DNAJC2: variants seen among roughly 807,000 people sequenced by gnomAD.
DNAJC2 encodes dnaJ homolog subfamily C member 2.
A neutral mutation model predicts 94.0 loss-of-function variants in DNAJC2; 32 were observed. The ratio of observed to expected loss-of-function variants is 0.34; its 90% CI spans 0.26 to 0.46. The LOEUF (loss-of-function observed/expected upper bound fraction) is 0.46, where lower values mean the gene tolerates loss of function less well. Among genes scored for constraint, DNAJC2 ranks in the 20% least tolerant of loss-of-function variants. DNAJC2 has a pLI of 1.00. For missense variants in DNAJC2, 550 were observed against 719.5 expected, an observed-to-expected ratio of 0.76 and a Z score of 2.69; for synonymous variants, 210 against 229.7, an observed-to-expected ratio of 0.91 and a Z score of 0.77.
At chr7:103,319,401 C>G (rs1036477014) in intron 12 of DNAJC2, among the ~76,000 whole-genome samples, 2 of 152,270 alleles carry the variant, frequency 1.3e-5, no homozygotes, top group South Asian at 2.1e-4. Flanking sequence ...CGTGCCACTG[C>G]ACTCCAGCCT....
chr7:103,315,285 C>T (rs540523919), intron 15 of DNAJC2, among the ~76,000 whole-genome samples: 1 of 152,058 alleles, frequency 6.6e-6, no homozygotes, highest in South Asian at 2.1e-4. Flanking sequence ...ACTCTGCCTA[C>T]ATTCCCCAAA....
chr7:103,337,817 A>C lies in DNAJC2; in HGVS notation c.256-6T>G, dbSNP rs1819233476. 1.2e-6 allele frequency: 2 copies of C among 1,610,690 alleles called. No homozygotes were observed. The highest frequency in any genetic ancestry group is 2.2e-5 in the South Asian group (2 of 90,616). On this transcript the variant is annotated splice_polypyrimidine_tract_variant and splice_region_variant and intron_variant, in intron 2 of 16. Transcript: ENST00000379263. ...ACTGCATAATGATCTTGGTTCTGGA[A>C]AAAAAACACAAAAGGGAGTCAAATT...
At chr7:103,326,311 T>C (rs1228920363) in intron 5 of DNAJC2, among the ~76,000 whole-genome samples, 3 of 152,128 alleles carry the variant, frequency 2.0e-5, no homozygotes, top group Non-Finnish European at 4.4e-5. Flanking sequence ...TCCCATAAAT[T>C]GTACAGAAAT....
chr7:103,317,107 C>A (rs576186404), intron 12 of DNAJC2, 93 bp from the exon 13 acceptor site: 1 of 1,098,782 alleles, frequency 9.1e-7, no homozygotes, highest in African/African-American at 1.6e-5. Context: ...CCTCAACTCT[C>A]AATGTCATTC....
At chr7:103,339,607 T>G (rs1298150445) in intron 2 of DNAJC2, among the ~76,000 whole-genome samples, 1 of 151,718 alleles carries the variant, frequency 6.6e-6, no homozygotes, top group Non-Finnish European at 1.5e-5. Flanking sequence ...TCCAATGGTT[T>G]TTTTTTTTTT....
chr7:103,317,227 C>A, intron 12 of DNAJC2: 1 of 510,542 alleles, frequency 2.0e-6, no homozygotes, highest in Non-Finnish European at 3.4e-6. Flanking sequence ...CTGCCCACAG[C>A]CTGCCTGATT....
chr7:103,338,986 A>G (rs1819281261), intron 2 of DNAJC2, among the ~76,000 whole-genome samples: 1 of 152,214 alleles, frequency 6.6e-6, no homozygotes, highest in Admixed American at 6.5e-5. Context: ...GATGATTTGT[A>G]TGCACAAAGG....
At chr7:103,332,260 C>T (rs62482399) in intron 3 of DNAJC2, among the ~76,000 whole-genome samples, 9,926 of 152,250 alleles carry the variant, frequency 0.065, 395 homozygotes, top group South Asian at 0.13. Flanking sequence ...CCGCCTTGGC[C>T]TCCCAAAGTG....
Position 103,312,472 on chromosome 7 carries a change from C to A in DNAJC2, c.*97G>T. 6.5e-7 allele frequency: 1 copy of A among 1,549,810 alleles called. No individual in the cohort carries two copies. The highest frequency in any genetic ancestry group is 1.4e-5 in the African/African-American group (1 of 72,270). On this transcript the variant is annotated 3_prime_UTR_variant, in exon 17 of 17. Coordinates refer to ENST00000379263, the MANE Select transcript of DNAJC2 (RefSeq NM_014377.3). Reference sequence around the variant, plus strand: ...CTCTGAGAAATTATGTTGGAAGCAGCATACTTTCAAATTATTACCATGAGT... The same window carrying A: ...CTCTGAGAAATTATGTTGGAAGCAGAATACTTTCAAATTATTACCATGAGT...
chr7:103,324,449 T>C (rs761776761), intron 6 of DNAJC2, 33 bp downstream of exon 6: 9 of 1,434,368 alleles, frequency 6.3e-6, no homozygotes, highest in Non-Finnish European at 8.4e-6. Context: ...TTTTAAAAAA[T>C]GACAGCATCA....
intron 2 of DNAJC2, among the ~76,000 whole-genome samples, chr7:103,339,202 A>G (rs544143009): frequency 6.6e-6 from 1 of 152,330 alleles, no homozygotes; most frequent in East Asian, 1.9e-4. Context: ...GCTGTGTGTA[A>G]GCAGTAATAC....
chr7:103,326,856 G>T (rs1818735708), intron 4 of DNAJC2, among the ~76,000 whole-genome samples, 172 bp from the exon 5 acceptor site: 1 of 152,132 alleles, frequency 6.6e-6, no homozygotes, highest in Non-Finnish European at 1.5e-5. Context: ...AGCACTACTG[G>T]ATATAACTGG....
chr7:103,314,701 T>G, intron 15 of DNAJC2: 1 of 957,610 alleles, frequency 1.0e-6, no homozygotes, highest in Non-Finnish European at 1.2e-6. Flanking sequence ...AACAAGTCAC[T>G]GCTGATTTTT....
chr7:103,339,192 G>A (rs141789974), intron 2 of DNAJC2, among the ~76,000 whole-genome samples: 5 of 152,316 alleles, frequency 3.3e-5, no homozygotes, highest in African/African-American at 1.2e-4. Context: ...TGGAATATAA[G>A]CTGTGTGTAA....
At chr7:103,329,647 A>T (rs891371004) in intron 3 of DNAJC2, 1 of 152,168 alleles carries the variant, frequency 6.6e-6, no homozygotes, top group African/African-American at 2.4e-5. Context: ...TCTTACTGTC[A>T]TTTAATAATC....
intron 3 of DNAJC2, among the ~76,000 whole-genome samples, chr7:103,329,865 A>G (rs1818893743): frequency 6.6e-6 from 1 of 152,170 alleles, no homozygotes; most frequent in African/African-American, 2.4e-5. Context: ...CAGATCCTAT[A>G]TTATCTACAA....
intron 3 of DNAJC2, chr7:103,329,359 C>T (rs562238502): frequency 2.9e-4 from 45 of 156,800 alleles, no homozygotes; most frequent in Non-Finnish European, 5.2e-4. Context: ...CCGGCCAAGT[C>T]GGCTCTAGTC....
At chr7:103,344,328 G>C in intron 1 of DNAJC2, 1 of 584,350 alleles carries the variant, frequency 1.7e-6, no homozygotes, top group South Asian at 2.1e-5. Flanking sequence ...GCAGCGGCGA[G>C]AGGAGGAAGC....
At chr7:103,341,063 G>C (rs1355886251) in intron 2 of DNAJC2, among the ~76,000 whole-genome samples, 1 of 152,172 alleles carries the variant, frequency 6.6e-6, no homozygotes, top group Non-Finnish European at 1.5e-5. Context: ...ACCAAAGCCT[G>C]TTAATGCTAC....
Sources: allele counts gnomAD v4.1 joint callset (sites outside exome capture counted in the v4.1 genomes callset), GRCh38; gene constraint gnomAD v4.1.1; transcripts MANE v1.5; gene names NCBI Gene and HGNC (gene_info 2026-07-23, HGNC 2026-07-21).